Variants in MSRA observed in about 807,000 individuals in gnomAD.
MSRA encodes methionine sulfoxide reductase A, also known as mitochondrial peptide methionine sulfoxide reductase.
Under a neutral mutation model 31.3 loss-of-function variants are expected in MSRA, and 54 were observed. The observed-to-expected ratio is 1.73, with a 90% confidence interval of 1.39 to 2.17. The LOEUF is 2.17. MSRA is among the 30% of genes most tolerant of loss of function. MSRA has a pLI of 0.00. For synonymous variants in MSRA, 169 were observed against 116.5 expected (o/e 1.45, Z -2.90); for missense variants, 507 against 300.9 (o/e 1.69, Z -5.07).
At chr8:10,379,488 A>T (rs1160133083) in intron 5 of MSRA, among the ~76,000 whole-genome samples, 1 of 152,146 alleles carries the variant, frequency 6.6e-6, no homozygotes, top group Non-Finnish European at 1.5e-5. Context: ...GCCTCGCCCC[A>T]TGCCAGGCCC....
rs1039500007 is a variant in MSRA at position 10,358,881 on chromosome 8, C to G, written c.543+38892C>G. Among the ~76,000 whole-genome samples the G allele has an allele frequency of 2.1e-4, 32 of 152,102 alleles. 1 individual carries two copies. Among genetic ancestry groups the G allele is most frequent in the African/African-American group, 7.2e-4 (30 of 41,418 alleles). On this transcript the variant is annotated intron_variant, in intron 5 of 5. Coordinates refer to ENST00000317173, the MANE Select transcript of MSRA (RefSeq NM_012331.5). ...TGCTGGGATTACAGGCGTGAGCCAC[C>G]AGCATTAGATTCTTATAGGAGCAGG...
intron 1 of MSRA, among the ~76,000 whole-genome samples, chr8:10,192,971 C>T (rs985600957): frequency 6.6e-6 from 1 of 152,160 alleles, no homozygotes; most frequent in Admixed American, 6.5e-5. Context: ...TATGTTCTCC[C>T]CAGAAACCTT....
intron 5 of MSRA, among the ~76,000 whole-genome samples, chr8:10,389,292 G>A (rs1806586808): frequency 6.6e-6 from 1 of 152,202 alleles, no homozygotes; most frequent in Admixed American, 6.5e-5. Context: ...ATGGAGGAGT[G>A]ATAGAGTTCT....
chr8:10,056,846 C>T (rs1032621183), intron 1 of MSRA, among the ~76,000 whole-genome samples: 4 of 152,188 alleles, frequency 2.6e-5, no homozygotes, highest in Admixed American at 6.5e-5. Flanking sequence ...CATGTCTGTT[C>T]TTATTTGTAC....
Position 10,054,457 on chromosome 8 carries a change from C to A in MSRA, c.-60C>A. 1 of 1,498,668 alleles carries A rather than the reference C, an allele frequency of 6.7e-7. No homozygotes were observed. Among genetic ancestry groups the A allele is most frequent in the Middle Eastern group, 1.8e-4 (1 of 5,532 alleles). The allele number at this position is 1,498,668 out of a possible 1,614,324, so 92.8% of individuals were successfully genotyped here. On this transcript the variant is annotated 5_prime_UTR_variant, in exon 1 of 6. The change creates a new upstream start codon in the 5' untranslated region. Coordinates refer to ENST00000317173, the MANE Select transcript of MSRA (RefSeq NM_012331.5). ...CGGACCCCACTCTCTGCCGTTCCGG[C>A]TGCGGCTCCGCTGCCGGTAGCGCCG...
intron 2 of MSRA, among the ~76,000 whole-genome samples, chr8:10,243,393 C>G (rs867935021): frequency 2.0e-5 from 3 of 152,104 alleles, no homozygotes; most frequent in Non-Finnish European, 4.4e-5. Context: ...TCCCCTCATC[C>G]CAAGGAATGC....
chr8:10,134,412 C>T (rs1351640478), intron 1 of MSRA, among the ~76,000 whole-genome samples: 1 of 152,248 alleles, frequency 6.6e-6, no homozygotes, highest in East Asian at 1.9e-4. Context: ...CGTGCCTGTC[C>T]TGCCCCATTA....
intron 1 of MSRA, among the ~76,000 whole-genome samples, chr8:10,103,828 A>G (rs1481558901): frequency 6.7e-6 from 1 of 149,372 alleles, no homozygotes; most frequent in Non-Finnish European, 1.5e-5. Context: ...CAAATGCCAT[A>G]TTTATTTTCC....
chr8:10,262,514 A>G (rs1025825843), intron 3 of MSRA, among the ~76,000 whole-genome samples: 7 of 151,872 alleles, frequency 4.6e-5, no homozygotes, highest in African/African-American at 1.7e-4. Flanking sequence ...TGCTATTTTT[A>G]TATCTTCTTG....
At chr8:10,238,658 G>A (rs1812152650) in intron 2 of MSRA, among the ~76,000 whole-genome samples, 1 of 152,196 alleles carries the variant, frequency 6.6e-6, no homozygotes, top group African/African-American at 2.4e-5. Context: ...ATAAGTGGGA[G>A]AAATAATGGA....
At chr8:10,272,830 A>T (rs1039286946) in intron 3 of MSRA, among the ~76,000 whole-genome samples, 7 of 152,220 alleles carry the variant, frequency 4.6e-5, no homozygotes, top group South Asian at 4.1e-4. Flanking sequence ...CTAGCCTAGG[A>T]CCTGGCATAA....
intron 2 of MSRA, among the ~76,000 whole-genome samples, chr8:10,238,459 T>G (rs1379797299): frequency 1.3e-5 from 2 of 152,262 alleles, no homozygotes; most frequent in Non-Finnish European, 2.9e-5. Context: ...TTGTTTGCTT[T>G]GTTCACTCAT....
At chr8:10,395,126 C>G (rs973313211) in intron 5 of MSRA, among the ~76,000 whole-genome samples, 1 of 152,184 alleles carries the variant, frequency 6.6e-6, no homozygotes, top group Non-Finnish European at 1.5e-5. Flanking sequence ...TAGGAACACG[C>G]AGGAGGAAGC....
At chr8:10,203,011 G>A (rs1277351066) in intron 1 of MSRA, among the ~76,000 whole-genome samples, 1 of 151,844 alleles carries the variant, frequency 6.6e-6, no homozygotes, top group South Asian at 2.1e-4. Flanking sequence ...TGAGTGTTGT[G>A]CCTGCGGTCC....
At chr8:10,215,898 T>TTTCTTAAA (rs1809946565) in intron 2 of MSRA, among the ~76,000 whole-genome samples, 2 of 152,236 alleles carry the variant, frequency 1.3e-5, no homozygotes, top group African/African-American at 4.8e-5. Flanking sequence ...GTGGCGGACA[T>TTTCTTAAA]TTCTTAAATT....
At chr8:10,385,562 A>G (rs1324365568) in intron 5 of MSRA, among the ~76,000 whole-genome samples, 2 of 152,120 alleles carry the variant, frequency 1.3e-5, no homozygotes, top group Non-Finnish European at 2.9e-5. Context: ...TGAGAAGATC[A>G]GGTCTGTGGT....
At chr8:10,140,724 C>G (rs1162228823) in intron 1 of MSRA, among the ~76,000 whole-genome samples, 18 of 152,118 alleles carry the variant, frequency 1.2e-4, no homozygotes. Context: ...TCAAGATCAA[C>G]TGACTAAAAA....
chr8:10,359,023 C>G (rs901949600), intron 5 of MSRA, among the ~76,000 whole-genome samples: 2 of 152,132 alleles, frequency 1.3e-5, no homozygotes, highest in Non-Finnish European at 2.9e-5. Context: ...TTCCCTTATC[C>G]CCCCATCCCG....
Position 10,215,892 on chromosome 8 carries a change from C to T in MSRA, c.211+7991C>T, listed in dbSNP as rs150580005. 2.2e-3 allele frequency among the ~76,000 whole-genome samples: 337 copies of T among 152,188 alleles called. 2 individuals are homozygous for T. The highest frequency in any genetic ancestry group is 7.4e-3 in the African/African-American group (309 of 41,524). On this transcript the variant is annotated intron_variant, in intron 2 of 5. Coordinates refer to ENST00000317173, the MANE Select transcript of MSRA (RefSeq NM_012331.5). ...AGAAAGATTTATTTTACAAATGTGG[C>T]GGACATTTCTTAAATTTCTACAGAG...
Sources: allele counts gnomAD v4.1 joint callset (sites outside exome capture counted in the v4.1 genomes callset), GRCh38; gene constraint gnomAD v4.1.1; transcripts MANE v1.5; gene names NCBI Gene and HGNC (gene_info 2026-07-23, HGNC 2026-07-21).